Variants in TMC7 observed in about 807,000 individuals in gnomAD.
The protein encoded by TMC7 is transmembrane channel-like protein 7.
A neutral mutation model predicts 82.9 loss-of-function variants in TMC7; 54 were observed. That is an observed-to-expected ratio of 0.65 (90% CI 0.52 to 0.82). The LOEUF is 0.82. Among genes scored for constraint, TMC7 ranks in the 40% least tolerant of loss-of-function variants. The pLI, the probability that TMC7 is intolerant of heterozygous loss-of-function variation, is 0.00. For missense variants in TMC7, 820 were observed against 901.2 expected, an observed-to-expected ratio of 0.91 and a Z score of 1.15; for synonymous variants, 350 against 337.9, an observed-to-expected ratio of 1.04 and a Z score of -0.39.
chr16:19,006,257 A>G (rs1467749827), intron 1 of TMC7, among the ~76,000 whole-genome samples: 1 of 150,802 alleles, frequency 6.6e-6, no homozygotes, highest in African/African-American at 2.4e-5. Flanking sequence ...CTGGAGTGCA[A>G]TGGCACGATC....
In TMC7 at chr16:19,051,823, G is replaced by T; in HGVS notation, c.1871+7G>T. The T allele has an allele frequency of 6.2e-7, 1 of 1,613,726 alleles. No homozygotes were observed. Among genetic ancestry groups the T allele is most frequent in the South Asian group, 1.1e-5 (1 of 91,066 alleles). On this transcript the variant is annotated splice_region_variant and intron_variant, in intron 13 of 15. Transcript: ENST00000304381. ...TGACAATCAGCATATCACGGTAAAT[G>T]TGACTTTGTTTTCTAGAACATTTCA...
chr16:19,004,578 T>C (rs182452399), intron 1 of TMC7, among the ~76,000 whole-genome samples: 18 of 152,298 alleles, frequency 1.2e-4, no homozygotes, highest in Admixed American at 9.8e-4. Context: ...TTGGCCAGGC[T>C]GGTCTTGAAC....
chr16:19,056,468 C>G, intron 13 of TMC7, 74 bp from the exon 14 acceptor site: 2 of 1,516,596 alleles, frequency 1.3e-6, no homozygotes, highest in South Asian at 2.6e-5. Flanking sequence ...ACAAAACATT[C>G]TGGGTGTACA....
At chr16:18,984,226 C>G (rs2142098661) in intron 1 of TMC7, 96 bp downstream of exon 1, 3 of 1,358,060 alleles carry the variant, frequency 2.2e-6, no homozygotes, top group East Asian at 3.1e-5. Context: ...GGCCGCTGTT[C>G]CCTCCCACCC....
intron 2 of TMC7, among the ~76,000 whole-genome samples, chr16:19,014,133 TG>T (rs1310489231): frequency 6.6e-6 from 1 of 152,124 alleles, no homozygotes; most frequent in Non-Finnish European, 1.5e-5. Flanking sequence ...CCCAAAGTGC[TG>T]GGATTACAGG....
rs769754817 is a variant in TMC7 at position 19,035,776 on chromosome 16, C to T, written c.958C>T (p.Arg320Cys). ...FAGWDFCITN[R>C]SMADLKHSSL... is the part of the protein sequence containing the mutation. Reference sequence around the variant, plus strand: ...CGGCTGGGACTTCTGCATCACTAACCGCAGCATGGCGGATCTGAAGCACAG... The same window carrying T: ...CGGCTGGGACTTCTGCATCACTAACTGCAGCATGGCGGATCTGAAGCACAG... Residue 320 changes from arginine (R) to cysteine (C), a missense_variant, in exon 7 of 16, where the codon CGC becomes TGC. Coordinates refer to ENST00000304381, the MANE Select transcript of TMC7 (RefSeq NM_024847.4). The T allele has an allele frequency of 1.4e-5, 23 of 1,610,806 alleles. No individual in the cohort carries two copies. In the South Asian group the frequency reaches 1.4e-4, roughly 10 times the overall value.
At chr16:18,996,865 G>T (rs1016035033) in intron 1 of TMC7, among the ~76,000 whole-genome samples, 1 of 152,246 alleles carries the variant, frequency 6.6e-6, no homozygotes, top group East Asian at 1.9e-4. Flanking sequence ...AATCAGGCAG[G>T]TGTCCCCGCA....
At chr16:19,044,688 G>A (rs1056735536) in intron 9 of TMC7, among the ~76,000 whole-genome samples, 196 bp from the exon 10 acceptor site, 19 of 146,274 alleles carry the variant, frequency 1.3e-4, no homozygotes, top group African/African-American at 4.1e-4. Context: ...TGTAATCCCC[G>A]CTACTTGGGA....
chr16:18,989,444 A>G (rs1241658182), intron 1 of TMC7, among the ~76,000 whole-genome samples: 4 of 151,644 alleles, frequency 2.6e-5, no homozygotes, highest in Non-Finnish European at 4.4e-5. Context: ...ATTTAGAGGG[A>G]TAAAAGGCGG....
At chr16:19,019,348 G>T (rs1007677793) in intron 3 of TMC7, among the ~76,000 whole-genome samples, 1 of 152,150 alleles carries the variant, frequency 6.6e-6, no homozygotes, top group African/African-American at 2.4e-5. Flanking sequence ...TTTATTTGGA[G>T]AATATAACAT....
intron 2 of TMC7, among the ~76,000 whole-genome samples, chr16:19,010,958 C>T (rs1359841732): frequency 6.6e-6 from 1 of 152,150 alleles, no homozygotes; most frequent in African/African-American, 2.4e-5. Flanking sequence ...TTCCCTCCTA[C>T]TGCAGTCTGT....
intron 5 of TMC7, among the ~76,000 whole-genome samples, chr16:19,028,969 TA>T (rs34360020): frequency 0.3 from 45,209 of 150,078 alleles, 7,049 homozygotes; most frequent in Non-Finnish European, 0.33. Context: ...TTGCACTTTT[TA>T]AAAAAAAATT....
chr16:19,053,849 CTTT>C (rs35024702), intron 13 of TMC7, among the ~76,000 whole-genome samples: 24 of 137,998 alleles, frequency 1.7e-4, no homozygotes, highest in African/African-American at 5.1e-4. Flanking sequence ...TCTTTTCTTT[CTTT>C]TTTTTTTTTT....
intron 9 of TMC7, among the ~76,000 whole-genome samples, chr16:19,041,276 C>T (rs1961001315): frequency 1.3e-5 from 2 of 152,066 alleles, no homozygotes; most frequent in South Asian, 2.1e-4. Context: ...CAGCATTTTG[C>T]TAATCTCGTT....
chr16:19,017,430 G>T (rs976370307), intron 3 of TMC7, among the ~76,000 whole-genome samples: 1 of 149,410 alleles, frequency 6.7e-6, no homozygotes, highest in Non-Finnish European at 1.5e-5. Flanking sequence ...ATTATTTCAT[G>T]CATTAAAATA....
intron 5 of TMC7, among the ~76,000 whole-genome samples, chr16:19,025,445 C>A (rs1960176934): frequency 6.6e-6 from 1 of 151,864 alleles, no homozygotes; most frequent in African/African-American, 2.4e-5. Context: ...ATGGTGAAAC[C>A]CCATCTCTAC....
rs767467374 is a variant in TMC7 at position 19,047,216 on chromosome 16, C to G, written c.1707C>G (p.Thr569=). 7 of 1,613,772 alleles carry G rather than the reference C, an allele frequency of 4.3e-6. No individual in the cohort carries two copies. The highest frequency in any genetic ancestry group is 5.1e-6 in the Non-Finnish European group (6 of 1,180,010). ...CACCCCTTCTCCCTGCAATTGCAACCCTGAAATTCATTATCATCTTCTATG... is the reference window on the plus strand; with the variant it reads ...CACCCCTTCTCCCTGCAATTGCAACGCTGAAATTCATTATCATCTTCTATG... ...FFSPLLPAIA[T]LKFIIIFYVK... Residue 569 remains threonine, a synonymous_variant, in exon 12 of 16, where the codon ACC becomes ACG. Coordinates refer to ENST00000304381, the MANE Select transcript of TMC7 (RefSeq NM_024847.4).
At chr16:19,018,806 A>C (rs986111039) in intron 3 of TMC7, among the ~76,000 whole-genome samples, 3 of 152,152 alleles carry the variant, frequency 2.0e-5, no homozygotes, top group Non-Finnish European at 4.4e-5. Flanking sequence ...ATAAAAAAAA[A>C]CCAAAATACA....
rs375140978 is a variant in TMC7, at chr16:19,048,127, G to T, written c.1740+878G>T. Reference sequence around the variant, plus strand: ...CCAATGCATTTTTTTTATTTGTTTGGTTTTTTTGAATTTTTTTTTTTTTTT... The same window carrying T: ...CCAATGCATTTTTTTTATTTGTTTGTTTTTTTTGAATTTTTTTTTTTTTTT... On this transcript the variant is annotated intron_variant, in intron 12 of 15. Transcript: ENST00000304381. 1.1e-4 allele frequency among the ~76,000 whole-genome samples: 16 copies of T among 150,362 alleles called. No individual in the cohort carries two copies. In the East Asian group the frequency reaches 2.2e-3, roughly 20 times the overall value.
Sources: allele counts gnomAD v4.1 joint callset (sites outside exome capture counted in the v4.1 genomes callset), GRCh38; gene constraint gnomAD v4.1.1; transcripts MANE v1.5; gene names NCBI Gene and HGNC (gene_info 2026-07-23, HGNC 2026-07-21).